The following PLA2R1 variants were observed in gnomAD, a reference collection of about 807,000 sequenced individuals.
PLA2R1 encodes the protein secretory phospholipase A2 receptor.
In PLA2R1, 158 loss-of-function variants were observed where a neutral mutation model predicts 195.9. The ratio of observed to expected loss-of-function variants is 0.81; its 90% CI spans 0.71 to 0.92. The LOEUF is 0.92. PLA2R1 is among the 40% of genes least tolerant of loss of function. The pLI is 0.00. For synonymous variants in PLA2R1, 586 were observed against 598.2 expected, an observed-to-expected ratio of 0.98 and a Z score of 0.30; for missense variants, 1,626 against 1,764.6, an observed-to-expected ratio of 0.92 and a Z score of 1.41.
At chr2:159,947,097 C>A (rs1239374676) in intron 26 of PLA2R1, among the ~76,000 whole-genome samples, 180 bp from the exon 27 acceptor site, 1 of 152,098 alleles carries the variant, frequency 6.6e-6, no homozygotes, top group Non-Finnish European at 1.5e-5. Context: ...CAAGCTTGCA[C>A]GTCAGAAGTT....
At chr2:159,927,801 G>T (rs1042689363), downstream of PLA2R1, among the ~76,000 whole-genome samples, 6 of 152,136 alleles carry the variant, frequency 3.9e-5, no homozygotes, top group Non-Finnish European at 7.3e-5. Context: ...TTCTTGCAGT[G>T]TTCTGGGGTC....
intron 17 of PLA2R1, among the ~76,000 whole-genome samples, chr2:159,973,055 G>A (rs191236930): frequency 6.0e-4 from 91 of 152,194 alleles, no homozygotes; most frequent in Non-Finnish European, 1.0e-3. Flanking sequence ...AAGCACATAC[G>A]TAATTTTAAA....
Position 159,932,862 on chromosome 2 carries a change from G to A in PLA2R1, c.*8916C>T, listed in dbSNP as rs1206467892. The stretch of plus-strand genomic sequence containing the variant: ...ATATATTTATTTGAAAAATATCCAG[G>A]AACATATACATTGGATCTAATATAA... On this transcript the variant is annotated 3_prime_UTR_variant, in exon 30 of 30. Coordinates refer to ENST00000283243, the MANE Select transcript of PLA2R1 (RefSeq NM_007366.5). 3 of 152,012 alleles carry A rather than the reference G, an allele frequency of 2.0e-5. No individual in the cohort carries two copies. Among genetic ancestry groups the A allele is most frequent in the African/African-American group, 7.2e-5 (3 of 41,410 alleles). The allele number at this position is 152,012 out of a possible 1,614,324, so 9.4% of individuals were successfully genotyped here.
In PLA2R1 at chr2:159,959,763, C is replaced by A. The variant is rs559719483; in HGVS notation, c.2905-3136G>T. Among the ~76,000 whole-genome samples the A allele has an allele frequency of 4.6e-5, 7 of 152,180 alleles. No homozygotes were observed. The East Asian group carries it at 1.4e-3, about 29-fold the overall frequency. ...AATAAGCCTGAAACCTCAGAGGCAT[C>A]CTTACCTTCCCACTCCATCTCCCCA... On this transcript the variant is annotated intron_variant, in intron 20 of 29. Coordinates refer to ENST00000283243, the MANE Select transcript of PLA2R1 (RefSeq NM_007366.5).
intron 11 of PLA2R1, among the ~76,000 whole-genome samples, chr2:159,993,702 T>A (rs138567592): frequency 2.5e-4 from 38 of 152,074 alleles, no homozygotes; most frequent in African/African-American, 9.2e-4. Context: ...TCAGAAGGAT[T>A]CAGAAGATAT....
At chr2:160,024,770 C>T (rs982546246) in intron 6 of PLA2R1, among the ~76,000 whole-genome samples, 3 of 152,162 alleles carry the variant, frequency 2.0e-5, no homozygotes, top group Non-Finnish European at 4.4e-5. Flanking sequence ...ACAGCTGTAG[C>T]ACCTTGCCTT....
chr2:159,975,481 C>T (rs562270805), intron 17 of PLA2R1, among the ~76,000 whole-genome samples: 8 of 152,082 alleles, frequency 5.3e-5, no homozygotes, highest in East Asian at 1.9e-4. Context: ...TAGAAAACTA[C>T]TCCTTACTAT....
At chr2:159,958,948 G>A (rs1688272314) in intron 20 of PLA2R1, among the ~76,000 whole-genome samples, 1 of 152,118 alleles carries the variant, frequency 6.6e-6, no homozygotes, top group African/African-American at 2.4e-5. Context: ...AAACCCTTCA[G>A]GAATTTTCCA....
intron 17 of PLA2R1, among the ~76,000 whole-genome samples, chr2:159,971,190 A>G (rs1046073636): frequency 6.6e-6 from 1 of 152,196 alleles, no homozygotes; most frequent in African/African-American, 2.4e-5. Flanking sequence ...TGTATAACAA[A>G]AAATTGGAAT....
intron 17 of PLA2R1, among the ~76,000 whole-genome samples, chr2:159,971,483 CACACAT>C (rs998797689): frequency 4.8e-5 from 6 of 125,462 alleles, no homozygotes; most frequent in Non-Finnish European, 1.2e-4. Flanking sequence ...CGCACACACA[CACACAT>C]ACACACACAC....
chr2:160,021,429 A>C (rs968179201), intron 7 of PLA2R1, among the ~76,000 whole-genome samples: 1 of 152,100 alleles, frequency 6.6e-6, no homozygotes, highest in African/African-American at 2.4e-5. Flanking sequence ...ATATACACAT[A>C]CACATACCAT....
At chr2:159,990,704 G>A (rs1410364415) in intron 11 of PLA2R1, among the ~76,000 whole-genome samples, 2 of 152,222 alleles carry the variant, frequency 1.3e-5, no homozygotes, top group Admixed American at 1.3e-4. Context: ...CAGGCACTGT[G>A]CTAGGCAATT....
At chr2:160,000,975 T>G (rs1691548190) in intron 11 of PLA2R1, among the ~76,000 whole-genome samples, 12 of 152,086 alleles carry the variant, frequency 7.9e-5, no homozygotes, top group Admixed American at 7.9e-4. Context: ...GAGGCAGTAT[T>G]TGAAGAGATA....
rs1307008762 is a variant in PLA2R1 at position 160,033,442 on chromosome 2, A to T, written c.668-310T>A. Among the ~76,000 whole-genome samples, 5 of 152,266 alleles carry T rather than the reference A, an allele frequency of 3.3e-5. No homozygotes were observed. In the East Asian group the frequency reaches 9.6e-4, roughly 29 times the overall value. ...TAGAAGCGAAGTATTTGTGAAAATA[A>T]GATCTAAGTTCTTTTGTCATTTAGA... is the stretch of plus-strand genomic sequence containing the variant. On this transcript the variant is annotated intron_variant, in intron 3 of 29. Coordinates refer to ENST00000283243, the MANE Select transcript of PLA2R1 (RefSeq NM_007366.5).
intron 27 of PLA2R1, 90 bp from the exon 28 acceptor site, chr2:159,945,172 A>T: frequency 1.8e-6 from 1 of 558,780 alleles, no homozygotes; most frequent in African/African-American, 2.0e-5. Context: ...CAGCCCCTGA[A>T]TTTTTTTATT....
At chr2:159,925,084 C>T in the PLA2R1 span, among the ~76,000 whole-genome samples, 12 of 152,128 alleles carry the variant, frequency 7.9e-5, no homozygotes, top group Non-Finnish European at 1.6e-4. Context: ...CCCCTTTCCC[C>T]GATACACATG....
intron 11 of PLA2R1, among the ~76,000 whole-genome samples, chr2:159,995,375 A>G (rs1372906042): frequency 1.3e-5 from 2 of 152,106 alleles, no homozygotes; most frequent in East Asian, 3.9e-4. Context: ...CTCTGCTTCA[A>G]TTCCAGATTT....
chr2:159,926,492 C>T, the PLA2R1 span, among the ~76,000 whole-genome samples: 2 of 152,098 alleles, frequency 1.3e-5, no homozygotes, highest in Non-Finnish European at 2.9e-5. Flanking sequence ...TCTAGTAGGG[C>T]TGAACATGTG....
chr2:160,010,007 G>A (rs1692253497), intron 10 of PLA2R1, among the ~76,000 whole-genome samples: 1 of 152,122 alleles, frequency 6.6e-6, no homozygotes, highest in Non-Finnish European at 1.5e-5. Context: ...CTACTTGGGG[G>A]GCTGAGGCAG....
Sources: gnomAD v4.1 joint callset for allele counts (sites outside exome capture counted in the v4.1 genomes callset) on GRCh38, gnomAD v4.1.1 for gene constraint, MANE v1.5 for transcripts, NCBI Gene and HGNC (gene_info 2026-07-23, HGNC 2026-07-21) for gene names.